MYO9B: variants seen among roughly 807,000 people sequenced by gnomAD.
MYO9B encodes unconventional myosin-IXb.
A neutral mutation model predicts 229.5 loss-of-function variants in MYO9B; 71 were observed. The observed-to-expected ratio is 0.31, with a 90% CI of 0.26 to 0.38. MYO9B has a LOEUF of 0.38. MYO9B is among the 10% of genes least tolerant of loss of function. The pLI, the probability that MYO9B is intolerant of heterozygous loss-of-function variation, is 1.00. For missense variants in MYO9B, 2,255 were observed against 2,920.5 expected, an observed-to-expected ratio of 0.77 and a Z score of 5.25; for synonymous variants, 1,185 against 1,235.8, an observed-to-expected ratio of 0.96 and a Z score of 0.86.
chr19:17,201,525 C>CT (rs1300760483), intron 26 of MYO9B, among the ~76,000 whole-genome samples: 1 of 152,122 alleles, frequency 6.6e-6, no homozygotes, highest in Non-Finnish European at 1.5e-5. Context: ...TGTTGAGCCC[C>CT]TGTGTGGGGC....
At chr19:17,141,080 G>A (rs2072333109) in intron 2 of MYO9B, among the ~76,000 whole-genome samples, 2 of 150,250 alleles carry the variant, frequency 1.3e-5, no homozygotes, top group Admixed American at 6.7e-5. Flanking sequence ...CTCCAGCCTG[G>A]GCAACAGAGC....
In MYO9B at chr19:17,212,098, C is replaced by A. The variant is rs756542406; in HGVS notation, c.6262C>A (p.Arg2088=). The A allele has an allele frequency of 6.3e-7, 1 of 1,588,678 alleles. No homozygotes were observed. The highest frequency in any genetic ancestry group is 1.1e-5 in the South Asian group (1 of 88,520). ...SHLPRWAPGA[R]EAAAPVRRRE... is the part of the protein sequence containing the mutation. Reference sequence around the variant, plus strand: ...CCTGCCTCGCTGGGCACCGGGTGCCCGGGAGGCGGCTGCCCCAGTGCGGCG... The same window carrying A: ...CCTGCCTCGCTGGGCACCGGGTGCCAGGGAGGCGGCTGCCCCAGTGCGGCG... The change falls in exon 40 of 40, where the codon CGG becomes AGG. Residue 2088 remains arginine (R), a synonymous_variant. Coordinates refer to ENST00000682292, the MANE Select transcript of MYO9B (RefSeq NM_004145.4). This position sits in a 1 kb window ranked among gnomAD's most constrained non-coding sequence, Gnocchi z 5.4.
At chr19:17,173,356 G>A (rs2072747365) in intron 13 of MYO9B, among the ~76,000 whole-genome samples, 1 of 139,684 alleles carries the variant, frequency 7.2e-6, no homozygotes, top group South Asian at 2.3e-4. Flanking sequence ...CCAGGCTCTA[G>A]TGTAATGACG....
intron 38 of MYO9B, 86 bp from the exon 39 acceptor site, chr19:17,211,561 T>C: frequency 2.3e-6 from 3 of 1,279,032 alleles, no homozygotes; most frequent in Non-Finnish European, 3.2e-6. Context: ...GAGTTACATC[T>C]AGGAGCAGGA....
rs111744160 is a variant in MYO9B at position 17,160,785 on chromosome 19, C to T, written c.1419+1301C>T. 6.4e-3 allele frequency among the ~76,000 whole-genome samples: 978 copies of T among 152,006 alleles called. 9 individuals carry two copies. The highest frequency in any genetic ancestry group is 0.021 in the African/African-American group (886 of 41,490). On this transcript the variant is annotated intron_variant, in intron 8 of 39. Coordinates refer to ENST00000682292, the MANE Select transcript of MYO9B (RefSeq NM_004145.4). ...CAGGATCTCGGCTCACTGCAACTTC[C>T]GCCTCCAGGGTTCAAGCAATTCTCC...
Position 17,195,234 on chromosome 19 carries a change from C to G in MYO9B, c.3807C>G (p.Pro1269=). The change falls in exon 22 of 40, where the codon CCC becomes CCG. Residue 1269 remains proline (P), a synonymous_variant. Transcript: ENST00000682292. This position sits in a 1 kb window ranked among gnomAD's most constrained non-coding sequence, Gnocchi z 4.5. The part of the protein sequence containing the change: ...RVSPPAPGSA[P]ETPEDKSKPC... The stretch of plus-strand genomic sequence containing the variant: ...GCCCACCGGCCCCTGGCAGCGCCCC[C>G]GAGACCCCCGAGGACAAGAGCAAAC... The G allele has an allele frequency of 6.2e-7, 1 of 1,612,082 alleles. No individual in the cohort carries two copies. Among genetic ancestry groups the G allele is most frequent in the Non-Finnish European group, 8.5e-7 (1 of 1,179,528 alleles).
chr19:17,181,912 A>C (rs2072865720), intron 15 of MYO9B, among the ~76,000 whole-genome samples: 1 of 151,708 alleles, frequency 6.6e-6, no homozygotes, highest in Admixed American at 6.6e-5. Context: ...AGTAGCTGGG[A>C]TTGCTAACAC....
rs756226642 is a variant in MYO9B at position 17,175,727 on chromosome 19, G to A, written c.2205G>A (p.Ser735=). The part of the protein sequence containing the change: ...EELPRGASTP[S]EKLYRDLHNQ... ...TGCCAAGAGGAGCCAGCACCCCTTC[G>A]GAAAAACTTTACCGGTGAGCAAGAC... The change falls in exon 14 of 40, where the codon TCG becomes TCA. Residue 735 remains serine, a synonymous_variant. Transcript: ENST00000682292. The A allele has an allele frequency of 6.0e-5, 95 of 1,573,880 alleles. 1 individual carries two copies. The highest frequency in any genetic ancestry group is 2.8e-4 in the East Asian group (12 of 42,694).
Position 17,172,459 on chromosome 19 carries a change from G to A in MYO9B, c.1917G>A (p.Lys639=). The change falls in exon 12 of 40, where the codon AAG becomes AAA. Residue 639 remains lysine (K), a synonymous_variant. Coordinates refer to ENST00000682292, the MANE Select transcript of MYO9B (RefSeq NM_004145.4). This position sits in a 1 kb window ranked among gnomAD's most constrained non-coding sequence, Gnocchi z 8.2. ...PAFIIQHFAG[K]VKYQIKDFRE... ...TCATCATCCAGCACTTCGCAGGGAA[G>A]GTGAAATATCAGATCAAGGTAGGTG... The A allele has an allele frequency of 6.2e-7, 1 of 1,613,812 alleles. No homozygotes were observed. The highest frequency in any genetic ancestry group is 8.5e-7 in the Non-Finnish European group (1 of 1,179,816).
intron 35 of MYO9B, among the ~76,000 whole-genome samples, chr19:17,208,614 G>A (rs539728636): frequency 6.6e-6 from 1 of 151,994 alleles, no homozygotes; most frequent in South Asian, 2.1e-4. Flanking sequence ...TGTATTTTTA[G>A]TAGAGACGAG....
chr19:17,093,177 C>A (rs2057654879), intron 1 of MYO9B, among the ~76,000 whole-genome samples: 1 of 151,846 alleles, frequency 6.6e-6, no homozygotes, highest in African/African-American at 2.4e-5. Flanking sequence ...ACCAAAAATA[C>A]AAAAAATTAG....
intron 1 of MYO9B, among the ~76,000 whole-genome samples, chr19:17,077,675 A>G (rs1267716510): frequency 2.0e-5 from 3 of 152,092 alleles, no homozygotes; most frequent in Admixed American, 6.6e-5. Context: ...GCGTTTTTCA[A>G]CCTTGAAACC....
At chr19:17,159,517 G>A (rs767351802) in intron 8 of MYO9B, 33 bp downstream of exon 8, 2 of 1,573,606 alleles carry the variant, frequency 1.3e-6, no homozygotes, top group South Asian at 1.2e-5. Flanking sequence ...CAGGGTGCCA[G>A]ATCCCAAAAA....
intron 2 of MYO9B, among the ~76,000 whole-genome samples, chr19:17,109,682 C>T (rs1409558181): frequency 2.0e-5 from 3 of 152,178 alleles, no homozygotes; most frequent in East Asian, 3.9e-4. Context: ...GCCTCTCTCC[C>T]GGGTTCTGGT....
chr19:17,149,238 A>G (rs2072450543), intron 3 of MYO9B, among the ~76,000 whole-genome samples: 3 of 152,112 alleles, frequency 2.0e-5, no homozygotes, highest in East Asian at 1.9e-4. Flanking sequence ...TTGGCCCCCC[A>G]AAGCTCTGGG....
At chr19:17,184,641 T>C in intron 16 of MYO9B, 1 of 502,312 alleles carries the variant, frequency 2.0e-6, no homozygotes, top group South Asian at 2.6e-5. Context: ...TGAAAGAGGC[T>C]GTCATCAGCC....
chr19:17,172,918 C>T lies in MYO9B; in HGVS notation c.2095C>T (p.Arg699Trp), dbSNP rs372756785. Residue 699 changes from arginine to tryptophan, a missense_variant, in exon 13 of 40, where the codon CGG becomes TGG. By Grantham distance (101) the Arg-to-Trp change is moderately radical. This residue lies in a region of MYO9B where 155 missense variants were observed against 159.1 expected (regional missense o/e 0.97). Coordinates refer to ENST00000682292, the MANE Select transcript of MYO9B (RefSeq NM_004145.4). The surrounding 1 kb of genome is among the most constrained non-coding windows in gnomAD (Gnocchi z 8.2). ...RAAIRAMAVL[R>W]EAGRLRAERA... The stretch of plus-strand genomic sequence containing the variant: ...TGCTATCCGGGCCATGGCAGTGCTT[C>T]GGGAGGCCGGACGCCTGCGGGCCGA... 14 of 1,599,968 alleles carry T rather than the reference C, an allele frequency of 8.8e-6. No homozygotes were observed. Among genetic ancestry groups the T allele is most frequent in the Admixed American group, 1.7e-5 (1 of 59,958 alleles).
chr19:17,195,178 C>A lies in MYO9B; in HGVS notation c.3751C>A (p.Pro1251Thr). 6.2e-7 allele frequency: 1 copy of A among 1,611,326 alleles called. No homozygotes were observed. Residue 1251 changes from proline to threonine, a missense_variant, in exon 22 of 40, where the codon CCG becomes ACG. Transcript: ENST00000682292. This position sits in a 1 kb window ranked among gnomAD's most constrained non-coding sequence, Gnocchi z 4.5. ...CCCCAGGCCTGGCCAGTTGGAGCGG[C>A]CGACCAGCCTGGCCCTGGACAGCAG... ...GSPRPGQLER[P>T]TSLALDSRVS...
At chr19:17,132,592 A>ATG (rs2072214699) in intron 2 of MYO9B, among the ~76,000 whole-genome samples, 1 of 142,930 alleles carries the variant, frequency 7.0e-6, no homozygotes, top group Admixed American at 7.2e-5. Flanking sequence ...GCAGTGGCGC[A>ATG]ATCTCGGCTC....
Sources: allele counts gnomAD v4.1 joint callset (sites outside exome capture counted in the v4.1 genomes callset), GRCh38; gene constraint gnomAD v4.1.1; regional missense constraint gnomAD v4.1.1; non-coding constraint Gnocchi (gnomAD v3.1); transcripts MANE v1.5; gene names NCBI Gene and HGNC (gene_info 2026-07-23, HGNC 2026-07-21).